Variants in AKAP6 observed in about 807,000 individuals in gnomAD.
The protein encoded by AKAP6 is A-kinase anchoring protein 6, also known as A-kinase anchor protein 6.
Under a neutral mutation model 188.5 loss-of-function variants are expected in AKAP6, and 58 were observed. That is an observed-to-expected ratio of 0.31 (90% CI 0.25 to 0.38). AKAP6 has a LOEUF of 0.38. Ranked by LOEUF, AKAP6 falls within the 10% of genes least tolerant of loss-of-function variation. AKAP6 has a pLI of 1.00. For synonymous variants in AKAP6, 989 were observed against 998.6 expected (o/e 0.99, Z 0.18); for missense variants, 2,710 against 2,740.0 (o/e 0.99, Z 0.24).
intron 2 of AKAP6, among the ~76,000 whole-genome samples, chr14:32,482,038 C>A (rs1027591155): frequency 6.6e-6 from 1 of 152,090 alleles, no homozygotes; most frequent in Non-Finnish European, 1.5e-5. Context: ...TGTGGGTGGA[C>A]TGGCCCATTA....
At chr14:32,710,136 T>TTA (rs1158962015) in intron 9 of AKAP6, among the ~76,000 whole-genome samples, 1 of 151,674 alleles carries the variant, frequency 6.6e-6, no homozygotes, top group African/African-American at 2.4e-5. Flanking sequence ...ATGGTATGAC[T>TTA]TACAGTATAT....
At chr14:32,466,450 A>G (rs1398133313) in intron 2 of AKAP6, among the ~76,000 whole-genome samples, 1 of 152,180 alleles carries the variant, frequency 6.6e-6, no homozygotes, top group East Asian at 1.9e-4. Context: ...GCTGGAAGCC[A>G]TCATTCTCAG....
intron 1 of AKAP6, among the ~76,000 whole-genome samples, chr14:32,404,086 T>G (rs1889189648): frequency 6.6e-6 from 1 of 152,204 alleles, no homozygotes; most frequent in African/African-American, 2.4e-5. Flanking sequence ...TGAATGTACT[T>G]TTTTATCCCA....
intron 1 of AKAP6, among the ~76,000 whole-genome samples, chr14:32,361,595 A>G (rs1417604660): frequency 6.6e-6 from 1 of 152,144 alleles, no homozygotes; most frequent in Non-Finnish European, 1.5e-5. Flanking sequence ...AGCTTTATTC[A>G]TTGCCTCTGA....
intron 9 of AKAP6, among the ~76,000 whole-genome samples, chr14:32,726,579 T>C (rs986845634): frequency 3.3e-5 from 5 of 152,264 alleles, no homozygotes; most frequent in South Asian, 2.1e-4. Context: ...TATTGGCGCA[T>C]TAACACGTTA....
At chr14:32,460,544 A>G (rs1047528372) in intron 2 of AKAP6, among the ~76,000 whole-genome samples, 4 of 152,208 alleles carry the variant, frequency 2.6e-5, no homozygotes, top group African/African-American at 9.7e-5. Flanking sequence ...CTGTCCAGTT[A>G]CTATGCTTTT....
At chr14:32,398,051 CA>C (rs1888937127) in intron 1 of AKAP6, among the ~76,000 whole-genome samples, 1 of 152,232 alleles carries the variant, frequency 6.6e-6, no homozygotes, top group Non-Finnish European at 1.5e-5. Flanking sequence ...AGATTACAAT[CA>C]GGGGAACCTC....
chr14:32,472,564 C>T (rs1392909412), intron 2 of AKAP6, among the ~76,000 whole-genome samples: 1 of 152,162 alleles, frequency 6.6e-6, no homozygotes, highest in African/African-American at 2.4e-5. Flanking sequence ...AATGGCAATG[C>T]CCCTCTTTGC....
Position 32,824,112 on chromosome 14 carries a change from G to T in AKAP6, c.6299G>T (p.Arg2100Leu), listed in dbSNP as rs182849819. The T allele has an allele frequency of 5.0e-6, 8 of 1,613,806 alleles. No individual in the cohort carries two copies. The highest frequency in any genetic ancestry group is 6.8e-6 in the Non-Finnish European group (8 of 1,179,902). Residue 2100 changes from arginine to leucine, a missense_variant, in exon 13 of 14, where the codon CGG becomes CTG. By Grantham distance (102) the Arg-to-Leu change is moderately radical. Coordinates refer to ENST00000280979, the MANE Select transcript of AKAP6 (RefSeq NM_004274.5). The stretch of plus-strand genomic sequence containing the variant: ...GAGAAAGTGTTGGAGCATTCTCACC[G>T]GCCCATCCAGCTGAGAAAAGGGGAC... ...IKEKVLEHSH[R>L]PIQLRKGDFY...
intron 12 of AKAP6, among the ~76,000 whole-genome samples, chr14:32,816,024 A>G (rs769108145): frequency 2.1e-4 from 32 of 152,146 alleles, no homozygotes; most frequent in Non-Finnish European, 3.5e-4. Context: ...AACATTGAAC[A>G]TTATTCTTTT....
At chr14:32,497,416 G>A (rs906815513) in intron 2 of AKAP6, among the ~76,000 whole-genome samples, 3 of 151,786 alleles carry the variant, frequency 2.0e-5, no homozygotes, top group Non-Finnish European at 4.4e-5. Context: ...AAGTATTTGG[G>A]GATTTTCCAA....
intron 12 of AKAP6, among the ~76,000 whole-genome samples, chr14:32,792,483 T>C (rs905870034): frequency 3.3e-5 from 5 of 152,218 alleles, no homozygotes; most frequent in African/African-American, 9.6e-5. Context: ...CCTGAGACTT[T>C]GTTGAAGCTG....
intron 1 of AKAP6, among the ~76,000 whole-genome samples, chr14:32,347,507 T>G (rs189206967): frequency 9.1e-4 from 138 of 152,340 alleles, no homozygotes; most frequent in African/African-American, 3.3e-3. Context: ...TTAAATTAAT[T>G]GTCACATATA....
chr14:32,632,025 A>G (rs1245923084), intron 7 of AKAP6, among the ~76,000 whole-genome samples: 1 of 152,050 alleles, frequency 6.6e-6, no homozygotes, highest in South Asian at 2.1e-4. Flanking sequence ...CAGTATATTC[A>G]TTCTTTTCCC....
chr14:32,592,375 C>G (rs919242140), intron 5 of AKAP6, among the ~76,000 whole-genome samples: 2 of 152,098 alleles, frequency 1.3e-5, no homozygotes, highest in African/African-American at 4.8e-5. Context: ...GTGGGGAAAC[C>G]AGTTAGGTGG....
chr14:32,498,125 G>A (rs778883047), intron 2 of AKAP6, among the ~76,000 whole-genome samples: 6 of 152,100 alleles, frequency 3.9e-5, no homozygotes, highest in Non-Finnish European at 7.4e-5. Context: ...ACAATGTTAT[G>A]GCTTTTATAG....
chr14:32,377,090 A>T (rs1316667882), intron 1 of AKAP6, among the ~76,000 whole-genome samples: 2 of 152,212 alleles, frequency 1.3e-5, no homozygotes, highest in African/African-American at 2.4e-5. Flanking sequence ...TCATGACTGC[A>T]TATGGAATAT....
At chr14:32,411,072 A>G (rs185652006) in intron 1 of AKAP6, among the ~76,000 whole-genome samples, 7 of 152,246 alleles carry the variant, frequency 4.6e-5, no homozygotes, top group African/African-American at 1.4e-4. Context: ...ACCAGGAGTG[A>G]TTTTGCTCCT....
chr14:32,364,264 T>C (rs2138498172), intron 1 of AKAP6, among the ~76,000 whole-genome samples: 1 of 152,304 alleles, frequency 6.6e-6, no homozygotes, highest in Admixed American at 6.5e-5. Flanking sequence ...AACAGTTCAT[T>C]ATAGTACTTT....
Sources: gnomAD v4.1 joint callset for allele counts (sites outside exome capture counted in the v4.1 genomes callset) on GRCh38, gnomAD v4.1.1 for gene constraint, MANE v1.5 for transcripts, NCBI Gene and HGNC (gene_info 2026-07-23, HGNC 2026-07-21) for gene names.